The following ARID5B variants were observed in gnomAD, a reference collection of about 807,000 sequenced individuals.
The protein encoded by ARID5B is AT-rich interactive domain-containing protein 5B.
A neutral mutation model predicts 97.2 loss-of-function variants in ARID5B; 13 were observed. The observed-to-expected ratio is 0.13, with a 90% CI of 0.09 to 0.21. The LOEUF (loss-of-function observed/expected upper bound fraction) is 0.21. Among genes scored for constraint, ARID5B ranks in the 10% least tolerant of loss-of-function variants. The probability of loss-of-function intolerance (pLI) is 1.00; values close to 1 mark genes in which losing one functional copy is unlikely to be tolerated. For missense variants in ARID5B, 1,210 were observed against 1,465.3 expected (o/e 0.83, Z 2.84); for synonymous variants, 556 against 570.3 (o/e 0.97, Z 0.36).
intron 3 of ARID5B, among the ~76,000 whole-genome samples, chr10:61,969,429 T>TTC (rs1838593341): frequency 6.6e-6 from 1 of 152,128 alleles, no homozygotes; most frequent in African/African-American, 2.4e-5. Flanking sequence ...CTTTTTTTTT[T>TTC]CAGAGTCATG....
At chr10:62,036,398 T>TAACAAA (rs59867376) in intron 4 of ARID5B, among the ~76,000 whole-genome samples, 147,076 of 151,950 alleles carry the variant, frequency 0.97, 71,391 homozygotes, top group East Asian at 1. Flanking sequence ...CAGCCCAGCC[T>TAACAAA]AGCAAGCAGG....
intron 3 of ARID5B, among the ~76,000 whole-genome samples, chr10:61,963,292 C>G (rs1280836095): frequency 2.0e-5 from 3 of 152,140 alleles, no homozygotes; most frequent in Non-Finnish European, 4.4e-5. Flanking sequence ...CTTCTTAACC[C>G]CAGTTTGCCT....
In ARID5B at chr10:61,932,195, C is replaced by T. The variant is rs528398028; in HGVS notation, c.277-7988C>T. The stretch of plus-strand genomic sequence containing the variant: ...ACCATACTGTAGTCTGCTAAATGTG[C>T]GTTAGCAATATGTCTAAAAAAAAAG... On this transcript the variant is annotated intron_variant, in intron 2 of 9. Transcript: ENST00000279873. 1.3e-4 allele frequency among the ~76,000 whole-genome samples: 20 copies of T among 152,124 alleles called. No individual in the cohort carries two copies. The East Asian group carries it at 1.5e-3, about 12-fold the overall frequency.
At chr10:62,022,056 C>G (rs1031608493) in intron 4 of ARID5B, among the ~76,000 whole-genome samples, 1 of 152,228 alleles carries the variant, frequency 6.6e-6, no homozygotes, top group African/African-American at 2.4e-5. Flanking sequence ...AGCCCTGGCA[C>G]TGTCCCCCTG....
chr10:61,930,945 C>T (rs1211902539), intron 2 of ARID5B, among the ~76,000 whole-genome samples: 1 of 152,022 alleles, frequency 6.6e-6, no homozygotes, highest in Non-Finnish European at 1.5e-5. Flanking sequence ...AGTCTCATGG[C>T]TTCTGCCAAC....
At chr10:62,071,108 C>T (rs562769299) in intron 8 of ARID5B, among the ~76,000 whole-genome samples, 11 of 150,362 alleles carry the variant, frequency 7.3e-5, no homozygotes, top group African/African-American at 2.7e-4. Context: ...TGATCTCGGC[C>T]CACTGCAACC....
In ARID5B at chr10:62,079,682, T is replaced by C. The variant is rs148314929; in HGVS notation, c.1200-6020T>C. 5.3e-4 allele frequency among the ~76,000 whole-genome samples: 80 copies of C among 152,254 alleles called. No homozygotes were observed. In the East Asian group the frequency reaches 0.014, roughly 28 times the overall value. ...GTACCACGTACCTTTCTTTCTTCTC[T>C]TCATTTAGGGTCACACACACTCCGG... On this transcript the variant is annotated intron_variant, in intron 8 of 9. Coordinates refer to ENST00000279873, the MANE Select transcript of ARID5B (RefSeq NM_032199.3).
intron 2 of ARID5B, among the ~76,000 whole-genome samples, chr10:61,911,810 G>A (rs1351294144): frequency 1.3e-5 from 2 of 152,146 alleles, no homozygotes; most frequent in Non-Finnish European, 2.9e-5. Flanking sequence ...TTCGCCCTTG[G>A]CTCACTTCCA....
intron 4 of ARID5B, among the ~76,000 whole-genome samples, chr10:62,042,444 G>T (rs1206335714): frequency 6.6e-6 from 1 of 152,114 alleles, no homozygotes; most frequent in African/African-American, 2.4e-5. Flanking sequence ...TCCACTTTTG[G>T]TTTTACTGAA....
intron 3 of ARID5B, among the ~76,000 whole-genome samples, chr10:61,965,429 G>A (rs943356278): frequency 6.6e-6 from 1 of 152,056 alleles, no homozygotes; most frequent in African/African-American, 2.4e-5. Context: ...AACCCACAGA[G>A]TAAGATATAA....
intron 3 of ARID5B, among the ~76,000 whole-genome samples, chr10:61,963,267 C>A (rs1384670001): frequency 2.0e-5 from 3 of 152,170 alleles, no homozygotes; most frequent in Non-Finnish European, 2.9e-5. Flanking sequence ...CAGTGAAAGG[C>A]CCTGTTCCTC....
At position 62,000,045 on chromosome 10, in the gene ARID5B, T is replaced by G. The variant is rs1839055291; in HGVS notation, c.503-46T>G. ...ATTATACCATGGCCATGAAAGTTCT[T>G]TGTCAGAGGGAAGAGGGTAATGGAA... On this transcript the variant is annotated intron_variant, in intron 3 of 9. Transcript: ENST00000279873. This position sits in a 1 kb window ranked among gnomAD's most constrained non-coding sequence, Gnocchi z 4.4. The G allele has an allele frequency of 3.2e-6, 5 of 1,574,862 alleles. No individual in the cohort carries two copies. The African/African-American group carries it at 4.1e-5, about 13-fold the overall frequency.
At position 61,969,193 on chromosome 10, in the gene ARID5B, A is replaced by G. The variant is rs907595543; in HGVS notation, c.502+28785A>G. 2.5e-4 allele frequency among the ~76,000 whole-genome samples: 38 copies of G among 152,164 alleles called. 1 individual carries two copies. Among genetic ancestry groups the G allele is most frequent in the Non-Finnish European group, 1.3e-4 (9 of 68,026 alleles). On this transcript the variant is annotated intron_variant, in intron 3 of 9. Coordinates refer to ENST00000279873, the MANE Select transcript of ARID5B (RefSeq NM_032199.3). ...TAAAGTGCTTTGTTTTGTATTTTCCAAGAGAACAATGGCATTACTTCTCAT... is the reference window on the plus strand; with the variant it reads ...TAAAGTGCTTTGTTTTGTATTTTCCGAGAGAACAATGGCATTACTTCTCAT...
chr10:62,033,637 TCTTGAAATG>T (rs555255607), intron 4 of ARID5B, among the ~76,000 whole-genome samples: 22 of 152,346 alleles, frequency 1.4e-4, no homozygotes, highest in African/African-American at 5.1e-4. Context: ...ACTGCTGGTC[TCTTGAAATG>T]CTTGAAATGA....
intron 4 of ARID5B, among the ~76,000 whole-genome samples, chr10:62,029,322 A>G (rs971848114): frequency 3.9e-5 from 6 of 152,204 alleles, no homozygotes; most frequent in African/African-American, 1.2e-4. Context: ...GTTGAGAATT[A>G]TATCTATCTA....
intron 4 of ARID5B, among the ~76,000 whole-genome samples, chr10:62,036,081 TC>T (rs1839560154): frequency 6.6e-6 from 1 of 151,954 alleles, no homozygotes; most frequent in Non-Finnish European, 1.5e-5. Context: ...CACCTCAGCC[TC>T]CCAAAGTGCT....
At chr10:62,022,929 C>T (rs563343935) in intron 4 of ARID5B, among the ~76,000 whole-genome samples, 10 of 152,188 alleles carry the variant, frequency 6.6e-5, no homozygotes, top group Non-Finnish European at 1.5e-4. Context: ...CCGTGGTGCC[C>T]GTGTTAACGA....
chr10:62,060,375 C>A (rs373668126), intron 7 of ARID5B, among the ~76,000 whole-genome samples: 5 of 152,106 alleles, frequency 3.3e-5, no homozygotes, highest in African/African-American at 1.2e-4. Flanking sequence ...ACTAAAAATT[C>A]TTTCATATGA....
At position 61,982,739 on chromosome 10, in the gene ARID5B, G is replaced by C. The variant is rs370415838; in HGVS notation, c.503-17352G>C. Among the ~76,000 whole-genome samples, 50 of 152,332 alleles carry C rather than the reference G, an allele frequency of 3.3e-4. 1 individual carries two copies. In the South Asian group the frequency reaches 0.01, roughly 32 times the overall value. On this transcript the variant is annotated intron_variant, in intron 3 of 9. Transcript: ENST00000279873. Reference sequence around the variant, plus strand: ...CTTAGAAGCTGTTAGAGAAAGGTGGGAGGGTATTTGGCTGGCCTTGGGAAA... The same window carrying C: ...CTTAGAAGCTGTTAGAGAAAGGTGGCAGGGTATTTGGCTGGCCTTGGGAAA...
Sources: allele counts gnomAD v4.1 joint callset (sites outside exome capture counted in the v4.1 genomes callset), GRCh38; gene constraint gnomAD v4.1.1; non-coding constraint Gnocchi (gnomAD v3.1); transcripts MANE v1.5; gene names NCBI Gene and HGNC (gene_info 2026-07-23, HGNC 2026-07-21).